Variants in CCDC186 observed in about 807,000 individuals in gnomAD.
The protein encoded by CCDC186 is coiled-coil domain containing 186, also known as coiled-coil domain-containing protein 186.
In CCDC186, 49 loss-of-function variants were observed where a neutral mutation model predicts 113.7. That is an observed-to-expected ratio of 0.43 (90% CI 0.34 to 0.55). CCDC186 has a LOEUF of 0.55. CCDC186 is among the 20% of genes least tolerant of loss of function. CCDC186 has a pLI of 0.02. For missense variants in CCDC186, 890 were observed against 1,011.1 expected (o/e 0.88, Z 1.62); for synonymous variants, 355 against 345.8 (o/e 1.03, Z -0.30).
chr10:114,122,207 A>G lies in CCDC186; in HGVS notation c.*2936T>C, dbSNP rs952683811. The G allele has an allele frequency of 6.6e-6, 1 of 152,180 alleles. No individual in the cohort carries two copies. The highest frequency in any genetic ancestry group is 1.5e-5 in the Non-Finnish European group (1 of 68,030). 9.4% of individuals were successfully genotyped at this position (152,180 alleles called of 1,614,324 possible). On this transcript the variant is annotated 3_prime_UTR_variant, in exon 16 of 16. Coordinates refer to ENST00000369287, the MANE Select transcript of CCDC186 (RefSeq NM_018017.4). ...CAATACCCTGTATGGTGCCAATACA[A>G]TAGTATAGGTTTTCAATAAATGTGT...
chr10:114,138,176 G>T (rs1422351121), intron 6 of CCDC186, among the ~76,000 whole-genome samples: 16 of 146,574 alleles, frequency 1.1e-4, no homozygotes, highest in Non-Finnish European at 1.9e-4. Context: ...GGAGGCAGCA[G>T]TTGCAGTGAG....
intron 1 of CCDC186, chr10:114,173,398 A>G (rs2032577732): frequency 3.2e-6 from 1 of 312,688 alleles, no homozygotes; most frequent in Middle Eastern, 1.2e-3. Context: ...TGTTTTTGCC[A>G]TTTTTCATTA....
Position 114,157,574 on chromosome 10 carries a change from G to C in CCDC186, c.739C>G (p.His247Asp). The C allele has an allele frequency of 6.2e-7, 1 of 1,608,596 alleles. No individual in the cohort carries two copies. The highest frequency in any genetic ancestry group is 1.1e-5 in the South Asian group (1 of 90,126). Reference sequence around the variant, plus strand: ...TTTACCTGTTTAATTGTGTTCATATGCTGCTTCTCAGTTTCTGTTCTTTTC... The same window carrying C: ...TTTACCTGTTTAATTGTGTTCATATCCTGCTTCTCAGTTTCTGTTCTTTTC... ...LKKRTETEKQ[H>D]MNTIKQLESR... Residue 247 changes from histidine to aspartate, a missense_variant, in exon 3 of 16, where the codon CAT (histidine) becomes GAT (aspartate). Coordinates refer to ENST00000369287, the MANE Select transcript of CCDC186 (RefSeq NM_018017.4).
chr10:114,159,134 TA>T (rs1219125061), intron 2 of CCDC186, among the ~76,000 whole-genome samples: 3 of 152,158 alleles, frequency 2.0e-5, no homozygotes, highest in African/African-American at 7.2e-5. Flanking sequence ...GAAACAATCA[TA>T]CAAATGTTTG....
intron 1 of CCDC186, among the ~76,000 whole-genome samples, chr10:114,168,968 G>A (rs1045073243): frequency 4.7e-5 from 7 of 150,180 alleles, no homozygotes; most frequent in African/African-American, 1.7e-4. Flanking sequence ...TACATATTGA[G>A]CATCTATTAA....
intron 6 of CCDC186, among the ~76,000 whole-genome samples, chr10:114,138,605 G>A (rs1006727394): frequency 6.6e-6 from 1 of 152,026 alleles, no homozygotes; most frequent in Non-Finnish European, 1.5e-5. Context: ...ATTCTCCTAA[G>A]ATGGCAACTC....
chr10:114,157,613 T>C lies in CCDC186; in HGVS notation c.700A>G (p.Arg234Gly). Residue 234 changes from arginine to glycine, a missense_variant, in exon 3 of 16, where the codon AGA becomes GGA. Physicochemically the swap from Arg to Gly is moderately radical, Grantham distance 125. Transcript: ENST00000369287. ...TCTGTTCTTTTCTTTAGTTCTTCTCTTAAATTGTCTTTTTCTGAACAAATG... is the reference window on the plus strand; with the variant it reads ...TCTGTTCTTTTCTTTAGTTCTTCTCCTAAATTGTCTTTTTCTGAACAAATG... ...VDICSEKDNL[R>G]EELKKRTETE... The C allele has an allele frequency of 6.2e-7, 1 of 1,610,924 alleles. No individual in the cohort carries two copies. The highest frequency in any genetic ancestry group is 1.1e-5 in the South Asian group (1 of 90,670).
At position 114,141,972 on chromosome 10, in the gene CCDC186, T is replaced by G. The variant is rs115112058; in HGVS notation, c.1221+2525A>C. 5.8e-3 allele frequency among the ~76,000 whole-genome samples: 890 copies of G among 152,276 alleles called. 8 individuals carry two copies. The highest frequency in any genetic ancestry group is 0.02 in the African/African-American group (849 of 41,564). ...TGTTTTTTAAGGTAGAAGGGTAAAT[T>G]TGGACCTTGTTATTCCATAATACAA... On this transcript the variant is annotated intron_variant, in intron 6 of 15. Coordinates refer to ENST00000369287, the MANE Select transcript of CCDC186 (RefSeq NM_018017.4).
chr10:114,154,913 G>A (rs1258197918), intron 3 of CCDC186, among the ~76,000 whole-genome samples: 1 of 152,040 alleles, frequency 6.6e-6, no homozygotes, highest in Non-Finnish European at 1.5e-5. Flanking sequence ...AAACAATGAA[G>A]TACTGATACA....
chr10:114,134,900 G>A lies in CCDC186; in HGVS notation c.1655+13C>T, dbSNP rs773011156. ...TTGCTTATTAATACAAACAGAAGTT[G>A]CTCATTTTGTACCTTTGAAGCTGCT... On this transcript the variant is annotated intron_variant, in intron 10 of 15. Transcript: ENST00000369287. 6.3e-7 allele frequency: 1 copy of A among 1,596,938 alleles called. No homozygotes were observed. The highest frequency in any genetic ancestry group is 8.5e-7 in the Non-Finnish European group (1 of 1,174,926).
At chr10:114,137,076 C>A in intron 7 of CCDC186, 110 bp downstream of exon 7, 1 of 722,150 alleles carries the variant, frequency 1.4e-6, no homozygotes. Context: ...GAGACTGTGC[C>A]ATTGAACTCC....
intron 7 of CCDC186, among the ~76,000 whole-genome samples, chr10:114,136,948 C>A (rs1222681062): frequency 6.6e-6 from 1 of 152,172 alleles, no homozygotes; most frequent in African/African-American, 2.4e-5. Context: ...GAAACCCCCT[C>A]TCTACTAAAA....
chr10:114,137,080 G>C, intron 7 of CCDC186, 106 bp downstream of exon 7: 1 of 767,698 alleles, frequency 1.3e-6, no homozygotes, highest in Non-Finnish European at 2.1e-6. Flanking sequence ...CTGTGCCATT[G>C]AACTCCAGCC....
chr10:114,169,234 C>CTTTTTTT (rs34677282), intron 1 of CCDC186, among the ~76,000 whole-genome samples: 11 of 97,500 alleles, frequency 1.1e-4, no homozygotes, highest in South Asian at 3.6e-4. Context: ...TAGTACCATT[C>CTTTTTTT]TTTTTTTTTT....
chr10:114,164,530 C>T (rs71484926), intron 1 of CCDC186, among the ~76,000 whole-genome samples: 11,583 of 152,138 alleles, frequency 0.076, 534 homozygotes, highest in Middle Eastern at 0.14. Context: ...AATATTTCCA[C>T]AATCTTGATA....
In CCDC186 at chr10:114,124,838, GGTT is replaced by G. The variant is rs2030838256; in HGVS notation, c.*302_*304del. ...TTAAAGGGAAGAAATATGAACAAAG[GGTT>G]TTTTATAAAAGCCCTTGTAATGTTC... On this transcript the variant is annotated 3_prime_UTR_variant, in exon 16 of 16. Transcript: ENST00000369287. 4.0e-6 allele frequency: 1 copy of G among 248,848 alleles called. No individual in the cohort carries two copies. The highest frequency in any genetic ancestry group is 1.7e-4 in the South Asian group (1 of 5,734). 15.4% of individuals were successfully genotyped at this position (248,848 alleles called of 1,614,324 possible).
chr10:114,145,967 T>A (rs2031627936), intron 4 of CCDC186, among the ~76,000 whole-genome samples: 1 of 152,220 alleles, frequency 6.6e-6, no homozygotes, highest in Admixed American at 6.5e-5. Context: ...CATTTGCCTT[T>A]ACCCTTTCCT....
intron 1 of CCDC186, chr10:114,173,384 G>T (rs1021079188): frequency 3.2e-6 from 1 of 313,544 alleles, no homozygotes; most frequent in Non-Finnish European, 6.5e-6. Context: ...AAGGGTTTTT[G>T]TTTTGTTTTT....
In CCDC186 at chr10:114,120,894, C is replaced by T. The variant is rs367808759; in HGVS notation, c.*4249G>A. 6.6e-6 allele frequency: 1 copy of T among 152,100 alleles called. No homozygotes were observed. Among genetic ancestry groups the T allele is most frequent in the East Asian group, 1.9e-4 (1 of 5,160 alleles). 9.4% of individuals were successfully genotyped at this position (152,100 alleles called of 1,614,324 possible). On this transcript the variant is annotated 3_prime_UTR_variant, in exon 16 of 16. Coordinates refer to ENST00000369287, the MANE Select transcript of CCDC186 (RefSeq NM_018017.4). Reference sequence around the variant, plus strand: ...ATAGGCATTACCTATTTAATAAGTACAATATATACATAGAATCCTCTTGAA... The same window carrying T: ...ATAGGCATTACCTATTTAATAAGTATAATATATACATAGAATCCTCTTGAA...
Sources: gnomAD v4.1 joint callset for allele counts (sites outside exome capture counted in the v4.1 genomes callset) on GRCh38, gnomAD v4.1.1 for gene constraint, MANE v1.5 for transcripts, NCBI Gene and HGNC (gene_info 2026-07-23, HGNC 2026-07-21) for gene names.